The following DEGS1 variants were observed in gnomAD, a reference collection of about 807,000 sequenced individuals.
DEGS1 encodes sphingolipid delta(4)-desaturase DES1.
DEGS1 carries 17 observed loss-of-function variants against 24.1 expected under a neutral mutation model. That is an observed-to-expected ratio of 0.70 (90% confidence interval 0.48 to 1.06). DEGS1 has a LOEUF of 1.06. Ranked by LOEUF, DEGS1 falls within the 50% of genes least tolerant of loss-of-function variation. The pLI is 0.00. For synonymous variants in DEGS1, 134 were observed against 140.0 expected, an observed-to-expected ratio of 0.96 and a Z score of 0.30; for missense variants, 366 against 408.9, an observed-to-expected ratio of 0.90 and a Z score of 0.91.
At chr1:224,183,816 T>G in intron 1 of DEGS1, 1 of 156,872 alleles carries the variant, frequency 6.4e-6, no homozygotes, top group Non-Finnish European at 1.4e-5. Context: ...CTCCCTCTCC[T>G]CCGGAGCGGG....
intron 1 of DEGS1, among the ~76,000 whole-genome samples, chr1:224,185,618 A>G (rs1658364504): frequency 6.6e-6 from 1 of 152,050 alleles, no homozygotes; most frequent in Non-Finnish European, 1.5e-5. Flanking sequence ...TGCCTGCCCC[A>G]GTCTCCCGAG....
intron 1 of DEGS1, 117 bp downstream of exon 1, chr1:224,183,535 C>CCCCGTCGCGT: frequency 1.3e-6 from 1 of 772,058 alleles, no homozygotes. Flanking sequence ...GCAGCCTGCT[C>CCCCGTCGCGT]CCCGTCGCGT....
intron 1 of DEGS1, among the ~76,000 whole-genome samples, chr1:224,187,678 C>G (rs1658431348): frequency 6.6e-6 from 1 of 152,056 alleles, no homozygotes; most frequent in Admixed American, 6.6e-5. Context: ...GATTATAATT[C>G]AACTATCATG....
At position 224,192,790 on chromosome 1, in the gene DEGS1, A is replaced by AT; in HGVS notation, c.*313dup. On this transcript the variant is annotated 3_prime_UTR_variant, in exon 3 of 3. Transcript: ENST00000323699. The stretch of plus-strand genomic sequence containing the variant: ...GCTATTTCGCCAGGCACGGTGGCTC[A>AT]TGCCTATAATCCCAGCACTTTGGGA... The AT allele has an allele frequency of 3.8e-6, 1 of 266,126 alleles. No individual in the cohort carries two copies. Among genetic ancestry groups the AT allele is most frequent in the South Asian group, 3.8e-5 (1 of 26,126 alleles). 16.5% of individuals were successfully genotyped at this position (266,126 alleles called of 1,614,324 possible).
At chr1:224,184,677 A>G (rs879275326) in intron 1 of DEGS1, among the ~76,000 whole-genome samples, 2 of 151,984 alleles carry the variant, frequency 1.3e-5, no homozygotes, top group African/African-American at 4.8e-5. Flanking sequence ...ACGCCTGGCT[A>G]ATGTTTGTAT....
At position 224,192,451 on chromosome 1, in the gene DEGS1, C is replaced by G; in HGVS notation, c.945C>G (p.His315Gln). The G allele has an allele frequency of 6.2e-7, 1 of 1,610,264 alleles. No individual in the cohort carries two copies. The highest frequency in any genetic ancestry group is 8.5e-7 in the Non-Finnish European group (1 of 1,178,838). ...GTCCCTACTCAAGAATGAAGAGGCA[C>G]CAAAAAGGAGAGATGGTGCTGGAGT... ...TISPYSRMKR[H>Q]QKGEMVLE The change falls in exon 3 of 3, where the codon CAC becomes CAG. Residue 315 changes from histidine (H) to glutamine (Q), a missense_variant. Coordinates refer to ENST00000323699, the MANE Select transcript of DEGS1 (RefSeq NM_003676.4).
Position 224,191,399 on chromosome 1 carries a change from AAAAG to A in DEGS1, c.826-931_826-928del, listed in dbSNP as rs529918982. On this transcript the variant is annotated intron_variant, in intron 2 of 2. Coordinates refer to ENST00000323699, the MANE Select transcript of DEGS1 (RefSeq NM_003676.4). ...AGCGAAACTCCGTCTCAAAAAAAAA[AAAAG>A]AGAGAGATGGGTTTCCCTGTGTTGC... 4.7e-3 allele frequency among the ~76,000 whole-genome samples: 708 copies of A among 150,654 alleles called. 6 individuals are homozygous for A. Among genetic ancestry groups the A allele is most frequent in the African/African-American group, 0.016 (667 of 41,112 alleles).
In DEGS1 at chr1:224,189,695, A is replaced by G. The variant is rs1658483120; in HGVS notation, c.201A>G (p.Lys67=). The G allele has an allele frequency of 1.9e-6, 3 of 1,614,196 alleles. No individual in the cohort carries two copies. The highest frequency in any genetic ancestry group is 1.3e-5 in the African/African-American group (1 of 75,054). ...ACATAGTAAAAGACTTGGACTGGAA[A>G]TGGGTCATATTTGGGGCCTATGCGT... ...AFYIVKDLDW[K]WVIFGAYAFG... Residue 67 remains lysine (K), a synonymous_variant, in exon 2 of 3, where the codon AAA becomes AAG. Transcript: ENST00000323699.
At chr1:224,183,608 G>A (rs1473728739) in intron 1 of DEGS1, 190 bp downstream of exon 1, 1 of 372,958 alleles carries the variant, frequency 2.7e-6, no homozygotes, top group Non-Finnish European at 4.6e-6. Context: ...GAGGAGCGGG[G>A]GGAGGGACGG....
intron 1 of DEGS1, 28 bp from the exon 2 acceptor site, chr1:224,189,548 GT>G (rs780119355): frequency 1.3e-6 from 2 of 1,511,242 alleles, no homozygotes; most frequent in South Asian, 1.3e-5. Context: ...ACTTTTCTTA[GT>G]TCCTGTTTTT....
intron 1 of DEGS1, among the ~76,000 whole-genome samples, chr1:224,186,732 A>G (rs992029484): frequency 4.0e-5 from 6 of 151,460 alleles, no homozygotes; most frequent in South Asian, 2.1e-4. Flanking sequence ...AAAAAAAAAA[A>G]AAGAAGGACT....
rs1405720523 is a variant in DEGS1 at position 224,183,400 on chromosome 1, C to T, written c.64C>T (p.Arg22Trp). 1.4e-6 allele frequency: 2 copies of T among 1,428,712 alleles called. No individual in the cohort carries two copies. The highest frequency in any genetic ancestry group is 1.8e-6 in the Non-Finnish European group (2 of 1,081,218). 88.5% of individuals were successfully genotyped at this position (1,428,712 alleles called of 1,614,324 possible). A position where few individuals can be genotyped will look rare whatever the true frequency, so the allele number is the denominator to read the frequency against. Residue 22 changes from arginine to tryptophan, a missense_variant, in exon 1 of 3, where the codon CGG (arginine) becomes TGG (tryptophan). Arg to Trp is a moderately radical substitution (Grantham distance 101, BLOSUM62 -3). Transcript: ENST00000323699. The part of the protein sequence containing the change: ...WVYTDQPHAD[R>W]RREILAKYPE... ...CTACACCGACCAGCCGCACGCCGAC[C>T]GGCGCCGGGAGATCCTGGGTGAGGG...
intron 2 of DEGS1, chr1:224,191,061 A>T (rs981172671): frequency 6.6e-6 from 1 of 152,052 alleles, no homozygotes; most frequent in Non-Finnish European, 1.5e-5. Flanking sequence ...ATGGTTTGTT[A>T]AAATTTTTAA....
intron 2 of DEGS1, among the ~76,000 whole-genome samples, chr1:224,192,105 G>C (rs1193397220): frequency 2.6e-5 from 4 of 151,796 alleles, no homozygotes; most frequent in African/African-American, 9.7e-5. Context: ...TGATGGGAGA[G>C]AGACCTAGAG....
chr1:224,189,642 A>T lies in DEGS1; in HGVS notation c.148A>T (p.Met50Leu). Residue 50 changes from methionine (M) to leucine (L), a missense_variant, in exon 2 of 3, where the codon ATG becomes TTG. Transcript: ENST00000323699. ...DPNLIWIIIM[M>L]VLTQLGAFYI... ...CAATTTGATATGGATTATAATTATG[A>T]TGGTTCTCACCCAGTTGGGTGCATT... 1 of 1,613,628 alleles carries T rather than the reference A, an allele frequency of 6.2e-7. No individual in the cohort carries two copies. The highest frequency in any genetic ancestry group is 8.5e-7 in the Non-Finnish European group (1 of 1,179,642).
intron 1 of DEGS1, among the ~76,000 whole-genome samples, chr1:224,186,152 A>C (rs547776863): frequency 1.3e-5 from 2 of 152,062 alleles, no homozygotes; most frequent in Admixed American, 6.6e-5. Flanking sequence ...AAAAAAAAAA[A>C]ATTTAATTAG....
intron 1 of DEGS1, among the ~76,000 whole-genome samples, chr1:224,184,970 T>TAC (rs58790626): frequency 0.084 from 12,422 of 148,554 alleles, 625 homozygotes; most frequent in East Asian, 0.17. Context: ...GCCCCCCGTT[T>TAC]ACACACACAC....
intron 1 of DEGS1, among the ~76,000 whole-genome samples, chr1:224,189,038 T>C (rs1157427377): frequency 6.6e-6 from 1 of 152,182 alleles, no homozygotes; most frequent in Non-Finnish European, 1.5e-5. Context: ...AACAAGTCGG[T>C]CTAGCACCAT....
In DEGS1 at chr1:224,183,436, C is replaced by T. The variant is rs1337596786; in HGVS notation, c.82+18C>T. On this transcript the variant is annotated intron_variant, in intron 1 of 2. Transcript: ENST00000323699. ...GATCCTGGGTGAGGGCCAGCGGGCG[C>T]CCCGTTATGTGCGTGCGTGGCCTCC... is the stretch of plus-strand genomic sequence containing the variant. 2.2e-6 allele frequency: 3 copies of T among 1,378,396 alleles called. No individual in the cohort carries two copies. The highest frequency in any genetic ancestry group is 3.0e-5 in the Admixed American group (1 of 33,198). The allele number at this position is 1,378,396 out of a possible 1,614,324, so 85.4% of individuals were successfully genotyped here.
Sources: allele counts gnomAD v4.1 joint callset (sites outside exome capture counted in the v4.1 genomes callset), GRCh38; gene constraint gnomAD v4.1.1; transcripts MANE v1.5; gene names NCBI Gene and HGNC (gene_info 2026-07-23, HGNC 2026-07-21).